Variants in KCNT2 observed in about 807,000 individuals in gnomAD.
KCNT2 encodes the protein potassium channel subfamily T member 2.
Under a neutral mutation model 153.8 loss-of-function variants are expected in KCNT2, and 67 were observed. The observed-to-expected ratio is 0.44, with a 90% CI of 0.36 to 0.53. KCNT2 has a LOEUF of 0.53. Among genes scored for constraint, KCNT2 ranks in the 20% least tolerant of loss-of-function variants. The probability of loss-of-function intolerance (pLI) is 0.00; values close to 1 mark genes in which losing one functional copy is unlikely to be tolerated. For missense variants in KCNT2, 975 were observed against 1,354.8 expected, an observed-to-expected ratio of 0.72 and a Z score of 4.40; for synonymous variants, 500 against 458.8, an observed-to-expected ratio of 1.09 and a Z score of -1.15.
At chr1:196,572,654 A>G (rs1335694689) in intron 1 of KCNT2, among the ~76,000 whole-genome samples, 13 of 152,084 alleles carry the variant, frequency 8.5e-5, no homozygotes, top group African/African-American at 3.1e-4. Context: ...GGATACTATT[A>G]TTGAAAAGTT....
intron 16 of KCNT2, among the ~76,000 whole-genome samples, chr1:196,338,589 T>A (rs960199441): frequency 3.3e-5 from 5 of 151,836 alleles, no homozygotes; most frequent in Non-Finnish European, 5.9e-5. Flanking sequence ...GAATTTAGAC[T>A]TTTTTTTCCA....
chr1:196,297,791 A>G (rs1436713628), intron 22 of KCNT2, among the ~76,000 whole-genome samples: 1 of 152,166 alleles, frequency 6.6e-6, no homozygotes, highest in African/African-American at 2.4e-5. Context: ...TATGAATAAA[A>G]TGTAGCTTAA....
At chr1:196,472,172 A>T (rs931525865) in intron 5 of KCNT2, among the ~76,000 whole-genome samples, 14 of 152,166 alleles carry the variant, frequency 9.2e-5, no homozygotes, top group Non-Finnish European at 1.9e-4. Context: ...GTTGGGGCTC[A>T]ATTAATATCA....
chr1:196,259,793 C>T (rs1466409611), intron 25 of KCNT2, among the ~76,000 whole-genome samples: 1 of 151,904 alleles, frequency 6.6e-6, no homozygotes, highest in Non-Finnish European at 1.5e-5. Flanking sequence ...AAATCTTCAT[C>T]TCTTCATTAT....
chr1:196,366,654 A>T (rs978217166), intron 14 of KCNT2, among the ~76,000 whole-genome samples: 1 of 152,144 alleles, frequency 6.6e-6, no homozygotes, highest in African/African-American at 2.4e-5. Context: ...ACCCACTGCT[A>T]CATCCTTGTG....
intron 16 of KCNT2, among the ~76,000 whole-genome samples, chr1:196,338,948 CAAAA>C (rs976388530): frequency 6.6e-4 from 25 of 37,730 alleles, no homozygotes; most frequent in East Asian, 1.3e-3. Context: ...TGCTTTTTAG[CAAAA>C]AAAAAAAAAA....
intron 1 of KCNT2, among the ~76,000 whole-genome samples, chr1:196,493,258 A>C (rs1373922242): frequency 2.0e-5 from 3 of 151,012 alleles, no homozygotes; most frequent in Admixed American, 2.0e-4. Context: ...CAAATATTTA[A>C]TTTCATTTTT....
At chr1:196,563,473 T>C (rs1420345189) in intron 1 of KCNT2, among the ~76,000 whole-genome samples, 1 of 5,550 alleles carries the variant, frequency 1.8e-4, no homozygotes, top group Non-Finnish European at 2.1e-3. Context: ...AAAAAAAAAC[T>C]TTTCAAACTT....
intron 26 of KCNT2, among the ~76,000 whole-genome samples, chr1:196,253,830 A>C (rs961842344): frequency 2.6e-5 from 4 of 151,562 alleles, no homozygotes; most frequent in African/African-American, 7.2e-5. Context: ...AAGTTCACTC[A>C]ACCAACTAAC....
At chr1:196,388,183 C>T (rs1035743492) in intron 13 of KCNT2, among the ~76,000 whole-genome samples, 1 of 151,616 alleles carries the variant, frequency 6.6e-6, no homozygotes, top group Non-Finnish European at 1.5e-5. Context: ...ATTGCCTCTC[C>T]AAGGTAATTA....
intron 1 of KCNT2, among the ~76,000 whole-genome samples, chr1:196,495,825 A>G (rs946343824): frequency 1.3e-5 from 2 of 152,214 alleles, no homozygotes; most frequent in African/African-American, 4.8e-5. Context: ...AGATACTGGA[A>G]TTCCAATCAT....
chr1:196,318,984 T>C (rs951450070), intron 20 of KCNT2, among the ~76,000 whole-genome samples: 1 of 151,772 alleles, frequency 6.6e-6, no homozygotes, highest in African/African-American at 2.4e-5. Flanking sequence ...TAATTACTAA[T>C]GTATTAAACA....
chr1:196,258,150 A>T lies in KCNT2; in HGVS notation c.3211+44T>A, dbSNP rs774730093. Reference sequence around the variant, plus strand: ...ACCAACTATATTACTACTAATGGCAAGAAATCACGAGTCCATATATACAGT... The same window carrying T: ...ACCAACTATATTACTACTAATGGCATGAAATCACGAGTCCATATATACAGT... On this transcript the variant is annotated intron_variant, in intron 26 of 27. Transcript: ENST00000294725. 2.5e-6 allele frequency: 4 copies of T among 1,576,184 alleles called. No individual in the cohort carries two copies. The Admixed American group carries it at 7.3e-5, about 29-fold the overall frequency.
At chr1:196,374,591 C>A (rs999912641) in intron 13 of KCNT2, among the ~76,000 whole-genome samples, 4 of 151,630 alleles carry the variant, frequency 2.6e-5, no homozygotes, top group African/African-American at 9.7e-5. Context: ...AAATACATAA[C>A]CAGATTATTT....
chr1:196,596,097 T>C (rs1664053464), intron 1 of KCNT2, among the ~76,000 whole-genome samples: 1 of 145,432 alleles, frequency 6.9e-6, no homozygotes, highest in Non-Finnish European at 1.5e-5. Context: ...TATATATATA[T>C]ATATCACATT....
At chr1:196,400,817 G>A (rs2878551) in intron 12 of KCNT2, among the ~76,000 whole-genome samples, 29,385 of 151,590 alleles carry the variant, frequency 0.19, 3,772 homozygotes, top group East Asian at 0.53. Flanking sequence ...GCATACAAAG[G>A]CCCTAGTAAA....
At chr1:196,537,194 C>G (rs1319484346) in intron 1 of KCNT2, among the ~76,000 whole-genome samples, 1 of 152,180 alleles carries the variant, frequency 6.6e-6, no homozygotes, top group Non-Finnish European at 1.5e-5. Flanking sequence ...ATTGCCACTT[C>G]AAAATCTACA....
intron 1 of KCNT2, among the ~76,000 whole-genome samples, chr1:196,510,476 A>G (rs1572684741): frequency 6.6e-6 from 1 of 152,096 alleles, no homozygotes; most frequent in Non-Finnish European, 1.5e-5. Flanking sequence ...GTTATTACAT[A>G]TTTTTTCTGA....
At chr1:196,440,339 G>T (rs1250658107) in intron 8 of KCNT2, among the ~76,000 whole-genome samples, 1 of 151,908 alleles carries the variant, frequency 6.6e-6, no homozygotes, top group Non-Finnish European at 1.5e-5. Flanking sequence ...ACAAGATTCT[G>T]CAGTCAAATA....
Sources: gnomAD v4.1 joint callset for allele counts (sites outside exome capture counted in the v4.1 genomes callset) on GRCh38, gnomAD v4.1.1 for gene constraint, MANE v1.5 for transcripts, NCBI Gene and HGNC (gene_info 2026-07-23, HGNC 2026-07-21) for gene names.